Variants in ERBB4 observed in about 807,000 individuals in gnomAD.
ERBB4 encodes the protein receptor tyrosine-protein kinase erbB-4.
In ERBB4, 42 loss-of-function variants were observed where a neutral mutation model predicts 158.0. The ratio of observed to expected loss-of-function variants is 0.27; its 90% CI spans 0.21 to 0.34. The LOEUF (loss-of-function observed/expected upper bound fraction) is 0.34. Among genes scored for constraint, ERBB4 ranks in the 10% least tolerant of loss-of-function variants. The pLI is 1.00. For missense variants in ERBB4, 1,333 were observed against 1,624.1 expected, an observed-to-expected ratio of 0.82 and a Z score of 3.08; for synonymous variants, 583 against 558.7, an observed-to-expected ratio of 1.04 and a Z score of -0.61.
intron 3 of ERBB4, among the ~76,000 whole-genome samples, chr2:211,837,940 A>G (rs773068062): frequency 6.6e-6 from 1 of 152,028 alleles, no homozygotes; most frequent in Non-Finnish European, 1.5e-5. Flanking sequence ...GGTCATAAAC[A>G]TATCTACAAA....
At chr2:211,996,279 A>G (rs1013473010) in intron 2 of ERBB4, among the ~76,000 whole-genome samples, 1 of 151,144 alleles carries the variant, frequency 6.6e-6, no homozygotes, top group Non-Finnish European at 1.5e-5. Flanking sequence ...TTTTTTTCAG[A>G]TGGCAGAAAC....
intron 20 of ERBB4, among the ~76,000 whole-genome samples, chr2:211,441,603 C>CACAGTTCA: frequency 6.6e-6 from 1 of 152,058 alleles, no homozygotes; most frequent in East Asian, 1.9e-4. Flanking sequence ...TTGTTGAACC[C>CACAGTTCA]ACAGTTGAAG....
intron 1 of ERBB4, among the ~76,000 whole-genome samples, chr2:212,274,778 A>AT (rs1398074360): frequency 6.6e-5 from 10 of 151,596 alleles, no homozygotes; most frequent in South Asian, 4.2e-4. Flanking sequence ...CTTTTTCTTA[A>AT]TTTTTTTATT....
intron 25 of ERBB4, among the ~76,000 whole-genome samples, chr2:211,389,131 G>A (rs958677209): frequency 6.6e-6 from 1 of 152,122 alleles, no homozygotes; most frequent in Non-Finnish European, 1.5e-5. Context: ...CGCCTCCCGG[G>A]TTCACGCCAT....
At chr2:211,650,706 C>T (rs937949235) in intron 16 of ERBB4, among the ~76,000 whole-genome samples, 1 of 152,018 alleles carries the variant, frequency 6.6e-6, no homozygotes, top group African/African-American at 2.4e-5. Flanking sequence ...ATCTATAATA[C>T]AAGCTAAATA....
intron 1 of ERBB4, among the ~76,000 whole-genome samples, chr2:212,336,625 C>G (rs976706913): frequency 1.3e-5 from 2 of 152,038 alleles, no homozygotes; most frequent in Non-Finnish European, 2.9e-5. Context: ...TCTGAGGACA[C>G]CACACTGCAC....
intron 25 of ERBB4, among the ~76,000 whole-genome samples, chr2:211,407,390 C>T (rs1239059565): frequency 2.6e-5 from 4 of 152,186 alleles, no homozygotes; most frequent in Non-Finnish European, 4.4e-5. Context: ...TATACCTCAA[C>T]ATCTCCATAC....
At chr2:211,937,027 G>A (rs965339613) in intron 3 of ERBB4, among the ~76,000 whole-genome samples, 25 of 152,064 alleles carry the variant, frequency 1.6e-4, no homozygotes, top group African/African-American at 6.0e-4. Context: ...AGTAATAAGA[G>A]GTATATTGAA....
chr2:211,747,981 C>G (rs1160848233), intron 5 of ERBB4, among the ~76,000 whole-genome samples: 1 of 151,832 alleles, frequency 6.6e-6, no homozygotes, highest in Non-Finnish European at 1.5e-5. Flanking sequence ...TACTTTAAAT[C>G]ATCTCTATAT....
At chr2:211,864,099 C>A (rs1273355068) in intron 3 of ERBB4, among the ~76,000 whole-genome samples, 1 of 152,182 alleles carries the variant, frequency 6.6e-6, no homozygotes, top group African/African-American at 2.4e-5. Context: ...TAGATTTTCT[C>A]ATCACCCAGT....
intron 1 of ERBB4, among the ~76,000 whole-genome samples, chr2:212,240,214 A>T (rs1212984739): frequency 6.6e-6 from 1 of 152,128 alleles, no homozygotes; most frequent in South Asian, 2.1e-4. Context: ...AAAATATGGT[A>T]CCTTGGCTTT....
At chr2:211,928,430 G>T (rs1287395365) in intron 3 of ERBB4, among the ~76,000 whole-genome samples, 1 of 152,126 alleles carries the variant, frequency 6.6e-6, no homozygotes, top group East Asian at 1.9e-4. Context: ...TTTGTTCACT[G>T]TTATCAAATG....
chr2:212,271,654 C>A (rs1052747153), intron 1 of ERBB4, among the ~76,000 whole-genome samples: 8 of 151,680 alleles, frequency 5.3e-5, no homozygotes, highest in African/African-American at 1.9e-4. Context: ...CTTTCTTGTT[C>A]CGAACAGCAA....
intron 1 of ERBB4, among the ~76,000 whole-genome samples, chr2:212,292,890 C>T (rs2086260554): frequency 6.6e-6 from 1 of 151,972 alleles, no homozygotes; most frequent in African/African-American, 2.4e-5. Flanking sequence ...TTTTCTATTT[C>T]AGTTTTCAAA....
intron 1 of ERBB4, among the ~76,000 whole-genome samples, chr2:212,248,407 A>G (rs2084392055): frequency 6.6e-6 from 1 of 152,138 alleles, no homozygotes; most frequent in South Asian, 2.1e-4. Flanking sequence ...TAGAAAGAGT[A>G]TATACTTGGT....
chr2:211,977,246 G>A (rs2081635916), intron 2 of ERBB4, among the ~76,000 whole-genome samples: 2 of 152,020 alleles, frequency 1.3e-5, no homozygotes, highest in Admixed American at 1.3e-4. Context: ...TCAACACAGA[G>A]TTAAGTTGGA....
chr2:211,842,630 TTTG>T (rs1174798913), intron 3 of ERBB4, among the ~76,000 whole-genome samples: 1 of 152,040 alleles, frequency 6.6e-6, no homozygotes, highest in African/African-American at 2.4e-5. Flanking sequence ...AACATTTTAT[TTTG>T]TTAAGTTATT....
At chr2:212,147,618 A>G (rs1489259617) in intron 1 of ERBB4, among the ~76,000 whole-genome samples, 1 of 152,170 alleles carries the variant, frequency 6.6e-6, no homozygotes, top group African/African-American at 2.4e-5. Context: ...TAAACATATG[A>G]GAAAGGAAAG....
chr2:211,884,771 T>C (rs2078751405), intron 3 of ERBB4, among the ~76,000 whole-genome samples: 1 of 152,184 alleles, frequency 6.6e-6, no homozygotes, highest in African/African-American at 2.4e-5. Flanking sequence ...CTAAACATGT[T>C]ATAGTGAAGA....
Sources: allele counts gnomAD v4.1 joint callset (sites outside exome capture counted in the v4.1 genomes callset), GRCh38; gene constraint gnomAD v4.1.1; transcripts MANE v1.5; gene names NCBI Gene and HGNC (gene_info 2026-07-23, HGNC 2026-07-21).